Variants in SCIN observed in about 807,000 individuals in gnomAD.
SCIN encodes scinderin, also known as adseverin.
In SCIN, 91 loss-of-function variants were observed where a neutral mutation model predicts 91.8. The ratio of observed to expected loss-of-function variants is 0.99; its 90% CI spans 0.84 to 1.18. SCIN has a LOEUF of 1.18. Ranked by LOEUF, SCIN falls within the 50% of genes most tolerant of loss-of-function variation. The pLI is 0.00. For missense variants in SCIN, 1,087 were observed against 863.9 expected (o/e 1.26, Z -3.24); for synonymous variants, 367 against 312.6 (o/e 1.17, Z -1.84).
At chr7:12,625,907 T>C in intron 7 of SCIN, 57 bp downstream of exon 7, 1 of 1,273,026 alleles carries the variant, frequency 7.9e-7, no homozygotes, top group South Asian at 1.3e-5. Context: ...GCTCATGACA[T>C]CTCCACGAAA....
chr7:12,630,040 C>A (rs1361460152), intron 9 of SCIN, among the ~76,000 whole-genome samples: 16 of 151,944 alleles, frequency 1.1e-4, no homozygotes, highest in Admixed American at 3.9e-4. Flanking sequence ...AGACGCCTAC[C>A]TTTGCCTACA....
At position 12,652,831 on chromosome 7, in the gene SCIN, C is replaced by T. The variant is rs988013049; in HGVS notation, c.*116C>T. On this transcript the variant is annotated 3_prime_UTR_variant, in exon 16 of 16. Coordinates refer to ENST00000297029, the MANE Select transcript of SCIN (RefSeq NM_001112706.3). ...GTCTTTTGAAAATTAAGGCTGGGCG[C>T]GGTGGCTCACACCTGTAATCCCAGC... 1.8e-5 allele frequency: 23 copies of T among 1,283,742 alleles called. No homozygotes were observed. The highest frequency in any genetic ancestry group is 1.9e-4 in the Middle Eastern group (1 of 5,192). The allele number at this position is 1,283,742 out of a possible 1,614,324, so 79.5% of individuals were successfully genotyped here. A position where few individuals can be genotyped will look rare whatever the true frequency, so the allele number is the denominator to read the frequency against.
chr7:12,626,498 C>T, intron 7 of SCIN, 86 bp from the exon 8 acceptor site: 1 of 1,066,954 alleles, frequency 9.4e-7, no homozygotes, highest in African/African-American at 1.6e-5. Flanking sequence ...TTTTCCATTT[C>T]CTTACTTTTG....
At chr7:12,580,343 A>T (rs1782462594) in intron 2 of SCIN, among the ~76,000 whole-genome samples, 1 of 152,160 alleles carries the variant, frequency 6.6e-6, no homozygotes, top group South Asian at 2.1e-4. Context: ...GATGTAGTTG[A>T]TACAGTTAAT....
chr7:12,576,234 G>A (rs10240223), intron 1 of SCIN, among the ~76,000 whole-genome samples: 8,113 of 152,064 alleles, frequency 0.053, 279 homozygotes, highest in African/African-American at 0.085. Flanking sequence ...ATCCCAAATC[G>A]GCAGAAGAAT....
intron 11 of SCIN, among the ~76,000 whole-genome samples, chr7:12,640,775 G>T (rs1783843064): frequency 1.3e-5 from 2 of 152,204 alleles, no homozygotes; most frequent in African/African-American, 4.8e-5. Flanking sequence ...TCACAAATTA[G>T]CTGTCAAAAG....
In SCIN at chr7:12,603,978, A is replaced by G. The variant is rs370975064; in HGVS notation, c.517-536A>G. Among the ~76,000 whole-genome samples the G allele has an allele frequency of 3.9e-5, 6 of 152,020 alleles. No individual in the cohort carries two copies. In the East Asian group the frequency reaches 7.7e-4, roughly 20 times the overall value. ...ATAGTGATATTACTGGGACAATATC[A>G]CTCTTTTTATGGCTCTTGATAAGAA... On this transcript the variant is annotated intron_variant, in intron 3 of 15. Coordinates refer to ENST00000297029, the MANE Select transcript of SCIN (RefSeq NM_001112706.3).
intron 11 of SCIN, among the ~76,000 whole-genome samples, chr7:12,642,844 C>T (rs576547756): frequency 3.3e-5 from 5 of 151,992 alleles, no homozygotes; most frequent in Non-Finnish European, 7.3e-5. Context: ...TCTGTTTGAC[C>T]TCTAAGTTCT....
Position 12,578,207 on chromosome 7 carries a change from C to T in SCIN, c.343C>T (p.Leu115=). The T allele has an allele frequency of 6.5e-7, 1 of 1,546,248 alleles. No homozygotes were observed. The highest frequency in any genetic ancestry group is 8.7e-7 in the Non-Finnish European group (1 of 1,144,508). ...NDFVSYFKGG[L]KYKAGGVASG... ...CTTTGTTAGCTATTTCAAAGGCGGT[C>T]TGAAATACAAGGTAAGCAGCTCCCT... The change falls in exon 2 of 16, where the codon CTG becomes TTG. Residue 115 remains leucine, a synonymous_variant. Coordinates refer to ENST00000297029, the MANE Select transcript of SCIN (RefSeq NM_001112706.3).
In SCIN at chr7:12,643,850, G is replaced by A. The variant is rs548135466; in HGVS notation, c.1582-288G>A. 4.6e-5 allele frequency among the ~76,000 whole-genome samples: 7 copies of A among 152,278 alleles called. No homozygotes were observed. In the East Asian group the frequency reaches 1.4e-3, roughly 29 times the overall value. ...CTGGAATCACACATCACACTTGTTT[G>A]ACAATTATACAGAAAGTCATACCAG... is the stretch of plus-strand genomic sequence containing the variant. On this transcript the variant is annotated intron_variant, in intron 11 of 15. Transcript: ENST00000297029.
At chr7:12,582,962 C>A (rs1782518958) in intron 3 of SCIN, among the ~76,000 whole-genome samples, 1 of 151,976 alleles carries the variant, frequency 6.6e-6, no homozygotes, top group Non-Finnish European at 1.5e-5. Context: ...AAAAAGGAGA[C>A]CTCAGTTCTC....
chr7:12,611,588 G>A (rs117496984), intron 4 of SCIN, among the ~76,000 whole-genome samples: 2,371 of 152,246 alleles, frequency 0.016, 22 homozygotes, highest in Middle Eastern at 0.027. Context: ...CCTTTGATTA[G>A]ATAAATCAAT....
At chr7:12,611,193 A>C (rs1783184541) in intron 4 of SCIN, 1 of 152,212 alleles carries the variant, frequency 6.6e-6, no homozygotes, top group African/African-American at 2.4e-5. Context: ...GTAGTGCTTT[A>C]TTACTGAGTC....
chr7:12,646,065 CAAAAATCACAGAAAGCTAT>C (rs2115300283), intron 13 of SCIN, among the ~76,000 whole-genome samples: 1 of 152,178 alleles, frequency 6.6e-6, no homozygotes, highest in African/African-American at 2.4e-5. Context: ...GATCATTGGG[CAAAAATCACAGAAAGCTAT>C]ATATGCAGTT....
At position 12,570,820 on chromosome 7, in the gene SCIN, CG is replaced by C; in HGVS notation, c.37del (p.Ala13ArgfsTer103). On this transcript the variant is annotated frameshift_variant, in exon 1 of 16. Coordinates refer to ENST00000297029, the MANE Select transcript of SCIN (RefSeq NM_001112706.3). LOFTEE classifies it high-confidence loss of function. The stretch of plus-strand genomic sequence containing the variant: ...GGAGCTATACCACGAAGAGTTCGCC[CG>C]GGCGGGCAAGCAGGCGGGGCTGCAG... Reference protein sequence around the residue: ...ARELYHEEFARAGKQAGLQVW... With the variant: ...ARELYHEEFAXAGKQAGLQVW... 1.3e-6 allele frequency: 2 copies of C among 1,551,462 alleles called. No individual in the cohort carries two copies. The highest frequency in any genetic ancestry group is 2.0e-5 in the Admixed American group (1 of 51,004).
intron 3 of SCIN, among the ~76,000 whole-genome samples, chr7:12,594,922 C>T (rs1053414305): frequency 6.6e-6 from 1 of 151,990 alleles, no homozygotes; most frequent in African/African-American, 2.4e-5. Flanking sequence ...TCTTACTCAC[C>T]CCTCTCAGAG....
Position 12,595,294 on chromosome 7 carries a change from A to T in SCIN, c.517-9220A>T, listed in dbSNP as rs181852360. The stretch of plus-strand genomic sequence containing the variant: ...TAACTTTACCACATATCATCTTGTG[A>T]CCAGGTTTCAATATAGGAATTTACA... On this transcript the variant is annotated intron_variant, in intron 3 of 15. Transcript: ENST00000297029. 1.9e-4 allele frequency among the ~76,000 whole-genome samples: 29 copies of T among 152,258 alleles called. 1 individual carries two copies. The East Asian group carries it at 5.4e-3, about 28-fold the overall frequency.
In SCIN at chr7:12,656,874, C is replaced by G. The variant is rs1022021016; in HGVS notation, c.*4159C>G. On this transcript the variant is annotated 3_prime_UTR_variant, in exon 16 of 16. Transcript: ENST00000297029. ...GGAGGCGGAGGTTGGAGCGAAAGTA[C>G]GCGCCACTGTACTCCAGCCTGCGTG... The G allele has an allele frequency of 6.6e-6, 1 of 150,776 alleles. No homozygotes were observed. Among genetic ancestry groups the G allele is most frequent in the Non-Finnish European group, 1.5e-5 (1 of 67,924 alleles). The allele number at this position is 150,776 out of a possible 1,614,324, so 9.3% of individuals were successfully genotyped here.
intron 9 of SCIN, among the ~76,000 whole-genome samples, chr7:12,634,503 T>G (rs1158177466): frequency 6.7e-6 from 1 of 148,920 alleles, no homozygotes; most frequent in Non-Finnish European, 1.5e-5. Flanking sequence ...AAAAAAAAAG[T>G]AATTGCGGCT....
Sources: gnomAD v4.1 joint callset for allele counts (sites outside exome capture counted in the v4.1 genomes callset) on GRCh38, gnomAD v4.1.1 for gene constraint, MANE v1.5 for transcripts, NCBI Gene and HGNC (gene_info 2026-07-23, HGNC 2026-07-21) for gene names.